The following SYCP2L variants were observed in gnomAD, a reference collection of about 807,000 sequenced individuals.
The protein encoded by SYCP2L is synaptonemal complex protein 2-like.
A neutral mutation model predicts 125.8 loss-of-function variants in SYCP2L; 98 were observed. The ratio of observed to expected loss-of-function variants is 0.78; its 90% CI spans 0.66 to 0.92. SYCP2L has a LOEUF of 0.92. SYCP2L is among the 40% of genes least tolerant of loss of function. SYCP2L has a pLI of 0.00. For missense variants in SYCP2L, 842 were observed against 936.4 expected (o/e 0.90, Z 1.32); for synonymous variants, 317 against 325.4 (o/e 0.97, Z 0.28).
rs545879917 is a variant in SYCP2L at position 10,949,924 on chromosome 6, T to C, written c.1955-5192T>C. Among the ~76,000 whole-genome samples, 6 of 152,264 alleles carry C rather than the reference T, an allele frequency of 3.9e-5. No individual in the cohort carries two copies. The East Asian group carries it at 1.2e-3, about 29-fold the overall frequency. On this transcript the variant is annotated intron_variant, in intron 23 of 29. Coordinates refer to ENST00000283141, the MANE Select transcript of SYCP2L (RefSeq NM_001040274.3). Reference sequence around the variant, plus strand: ...GTCTTTGTCCCACATTCTCATTCTTTTATTCTTTCTGTCCTTGCCTTCATT... The same window carrying C: ...GTCTTTGTCCCACATTCTCATTCTTCTATTCTTTCTGTCCTTGCCTTCATT...
chr6:10,938,858 T>C lies in SYCP2L; in HGVS notation c.1814-3601T>C, dbSNP rs138390560. 1.1e-4 allele frequency among the ~76,000 whole-genome samples: 16 copies of C among 152,240 alleles called. No individual in the cohort carries two copies. The East Asian group carries it at 3.1e-3, about 29-fold the overall frequency. On this transcript the variant is annotated intron_variant, in intron 21 of 29. Transcript: ENST00000283141. ...AATCTCAGCCAAGCATGGTGGCTCATGCCTGTAATCCCAGCACTTTGGGAC... is the reference window on the plus strand; with the variant it reads ...AATCTCAGCCAAGCATGGTGGCTCACGCCTGTAATCCCAGCACTTTGGGAC...
intron 21 of SYCP2L, among the ~76,000 whole-genome samples, 161 bp from the exon 22 acceptor site, chr6:10,942,298 A>G (rs1781238394): frequency 6.6e-6 from 1 of 152,182 alleles, no homozygotes; most frequent in African/African-American, 2.4e-5. Flanking sequence ...GTATAATAAA[A>G]AAGAATTCGT....
chr6:10,926,246 A>G (rs1269776030), intron 15 of SYCP2L, 93 bp from the exon 16 acceptor site: 10 of 865,580 alleles, frequency 1.2e-5, no homozygotes, highest in Non-Finnish European at 1.9e-5. Flanking sequence ...CTGATTTATC[A>G]GTGTGTTTTG....
chr6:10,936,389 C>T (rs527875388), intron 21 of SYCP2L, among the ~76,000 whole-genome samples: 22 of 151,634 alleles, frequency 1.5e-4, no homozygotes, highest in African/African-American at 4.4e-4. Context: ...CCCAGCTACT[C>T]GGGAGGCTGA....
At chr6:10,951,475 A>G (rs1185222670) in intron 23 of SYCP2L, among the ~76,000 whole-genome samples, 3 of 152,200 alleles carry the variant, frequency 2.0e-5, no homozygotes, top group Non-Finnish European at 4.4e-5. Context: ...ACTCTGCTTG[A>G]TTCGCTATTT....
At chr6:10,924,010 G>T (rs1225763) in intron 14 of SYCP2L, among the ~76,000 whole-genome samples, 1 of 152,198 alleles carries the variant, frequency 6.6e-6, no homozygotes, top group East Asian at 1.9e-4. Context: ...AGGTGTTTCC[G>T]TCTCTTCTTC....
rs1471877067 is a variant in SYCP2L at position 10,954,416 on chromosome 6, G to A, written c.1955-700G>A. Among the ~76,000 whole-genome samples the A allele has an allele frequency of 1.3e-5, 2 of 152,146 alleles. No individual in the cohort carries two copies. Among genetic ancestry groups the A allele is most frequent in the Non-Finnish European group, 2.9e-5 (2 of 68,030 alleles). ...TTGGGCAGGAACTCAGAGAGGGAGG[G>A]ATTCATTCCATAGGCAGAACCTTGA... On this transcript the variant is annotated intron_variant, in intron 23 of 29. Coordinates refer to ENST00000283141, the MANE Select transcript of SYCP2L (RefSeq NM_001040274.3). This position sits in a 1 kb window ranked among gnomAD's most constrained non-coding sequence, Gnocchi z 4.8.
chr6:10,963,973 T>A lies in SYCP2L; in HGVS notation c.*37+130T>A. 4.6e-6 allele frequency: 3 copies of A among 652,482 alleles called. 1 individual carries two copies. In the East Asian group the frequency reaches 9.5e-5, roughly 21 times the overall value. 40.4% of individuals were successfully genotyped at this position (652,482 alleles called of 1,614,324 possible). ...GCGGAACTTCTCCATTTTTTTTTTT[T>A]TTTTGATGGAGTCTCACTCTGTCAC... On this transcript the variant is annotated intron_variant, in intron 29 of 29. Transcript: ENST00000283141.
At chr6:10,905,042 A>T (rs1030773908) in intron 8 of SYCP2L, among the ~76,000 whole-genome samples, 4 of 143,312 alleles carry the variant, frequency 2.8e-5, no homozygotes, top group African/African-American at 1.0e-4. Flanking sequence ...TGGGAGGCTG[A>T]GGCAGGAGAA....
chr6:10,918,184 C>T (rs562272996), intron 14 of SYCP2L, among the ~76,000 whole-genome samples: 2 of 142,916 alleles, frequency 1.4e-5, no homozygotes, highest in Admixed American at 7.3e-5. Context: ...GACGACAGAG[C>T]GAGACTCCAT....
chr6:10,955,996 C>A, intron 24 of SYCP2L, 140 bp from the exon 25 acceptor site: 1 of 630,198 alleles, frequency 1.6e-6, no homozygotes, highest in Non-Finnish European at 2.8e-6. Context: ...AGAGCGAGGT[C>A]ATGTCCAGGC....
intron 4 of SYCP2L, among the ~76,000 whole-genome samples, chr6:10,895,461 GT>G (rs1204053016): frequency 6.6e-6 from 1 of 152,082 alleles, no homozygotes; most frequent in Non-Finnish European, 1.5e-5. Flanking sequence ...TTTAGATAGG[GT>G]GGGCATGTAA....
chr6:10,949,573 C>G (rs1262918192), intron 23 of SYCP2L, among the ~76,000 whole-genome samples: 2 of 152,120 alleles, frequency 1.3e-5, no homozygotes, highest in Non-Finnish European at 2.9e-5. Flanking sequence ...ATGTACTTAT[C>G]TATATCCTTT....
At chr6:10,964,190 C>G (rs978766825) in intron 29 of SYCP2L, among the ~76,000 whole-genome samples, 2 of 152,164 alleles carry the variant, frequency 1.3e-5, no homozygotes, top group Non-Finnish European at 2.9e-5. Flanking sequence ...ATCTCCTGAC[C>G]ATGTGATCCG....
At position 10,910,933 on chromosome 6, in the gene SYCP2L, G is replaced by A. The variant is rs369300830; in HGVS notation, c.918+64G>A. ...CAGTGAAACCAGGAGTTAGGTTTAC[G>A]TGGTTAGATCAAACTTTTGCTCTCA... On this transcript the variant is annotated intron_variant, in intron 12 of 29. Transcript: ENST00000283141. The A allele has an allele frequency of 7.2e-5, 114 of 1,572,458 alleles. 1 individual carries two copies. The highest frequency in any genetic ancestry group is 1.1e-4 in the African/African-American group (8 of 73,996).
intron 17 of SYCP2L, 71 bp from the exon 18 acceptor site, chr6:10,928,329 AATT>A: frequency 1.4e-6 from 1 of 709,066 alleles, no homozygotes; most frequent in South Asian, 1.8e-5. Context: ...AGGCATAAGA[AATT>A]ATAAAAGTAT....
intron 8 of SYCP2L, among the ~76,000 whole-genome samples, chr6:10,905,654 C>T (rs9393762): frequency 1.3e-5 from 2 of 152,316 alleles, no homozygotes; most frequent in Admixed American, 6.5e-5. Context: ...GTATCATTTC[C>T]TGCAAGTATC....
chr6:10,930,809 T>C (rs1478469102), intron 19 of SYCP2L, among the ~76,000 whole-genome samples: 4 of 152,066 alleles, frequency 2.6e-5, no homozygotes, highest in African/African-American at 9.7e-5. Flanking sequence ...AAGAGGTGGG[T>C]GGGACTTGAA....
intron 14 of SYCP2L, among the ~76,000 whole-genome samples, chr6:10,921,854 C>T (rs905869273): frequency 1.4e-4 from 21 of 152,068 alleles, no homozygotes; most frequent in South Asian, 2.1e-4. Flanking sequence ...TACAGGCGCC[C>T]GCCACCACAC....
Sources: gnomAD v4.1 joint callset for allele counts (sites outside exome capture counted in the v4.1 genomes callset) on GRCh38, gnomAD v4.1.1 for gene constraint, Gnocchi (gnomAD v3.1) non-coding constraint, MANE v1.5 for transcripts, NCBI Gene and HGNC (gene_info 2026-07-23, HGNC 2026-07-21) for gene names.